Variants in ZFPM2 observed in about 807,000 individuals in gnomAD.
ZFPM2 encodes zinc finger protein ZFPM2.
ZFPM2 carries 20 observed loss-of-function variants against 98.6 expected under a neutral mutation model. The ratio of observed to expected loss-of-function variants is 0.20; its 90% CI spans 0.14 to 0.29. ZFPM2 has a LOEUF of 0.29. Ranked by LOEUF, ZFPM2 falls within the 10% of genes least tolerant of loss-of-function variation. The probability of loss-of-function intolerance (pLI) is 1.00; values close to 1 mark genes in which losing one functional copy is unlikely to be tolerated. For synonymous variants in ZFPM2, 518 were observed against 502.7 expected, an observed-to-expected ratio of 1.03 and a Z score of -0.41; for missense variants, 1,310 against 1,388.6, an observed-to-expected ratio of 0.94 and a Z score of 0.90.
At chr8:105,789,834 A>G (rs1813543728) in intron 6 of ZFPM2, among the ~76,000 whole-genome samples, 1 of 151,714 alleles carries the variant, frequency 6.6e-6, no homozygotes, top group Non-Finnish European at 1.5e-5. Flanking sequence ...TCTGATGGCC[A>G]GTGATGGTGA....
At chr8:105,556,782 G>A (rs891759034) in intron 3 of ZFPM2, among the ~76,000 whole-genome samples, 6 of 148,612 alleles carry the variant, frequency 4.0e-5, no homozygotes, top group Non-Finnish European at 8.9e-5. Context: ...GAGTGCAGTG[G>A]TGCGATCTTG....
chr8:105,434,018 G>T (rs1339957502), intron 2 of ZFPM2, among the ~76,000 whole-genome samples: 4 of 152,064 alleles, frequency 2.6e-5, no homozygotes, highest in Admixed American at 2.6e-4. Context: ...TTACAAAGAA[G>T]TCACATGCAT....
chr8:105,800,396 C>G (rs988581847), intron 7 of ZFPM2, among the ~76,000 whole-genome samples: 1 of 149,484 alleles, frequency 6.7e-6, no homozygotes, highest in Non-Finnish European at 1.5e-5. Flanking sequence ...GATGCCAATG[C>G]AAAATGACTA....
In ZFPM2 at chr8:105,801,503, C is replaced by A. The variant is rs1242581414; in HGVS notation, c.1421C>A (p.Pro474His). ...TCTTACACAAAAATAAAGTCTGAGCCCTCTAGCCCAAGACTTGCCTCATCT... is the reference window on the plus strand; with the variant it reads ...TCTTACACAAAAATAAAGTCTGAGCACTCTAGCCCAAGACTTGCCTCATCT... Reference protein sequence around the residue: ...SFSYTKIKSEPSSPRLASSPV... With the variant: ...SFSYTKIKSEHSSPRLASSPV... The change falls in exon 8 of 8, where the codon CCC becomes CAC. Residue 474 changes from proline (P) to histidine (H), a missense_variant. By Grantham distance (77) the Pro-to-His change is moderately conservative. Coordinates refer to ENST00000407775, the MANE Select transcript of ZFPM2 (RefSeq NM_012082.4). 1.2e-6 allele frequency: 2 copies of A among 1,613,890 alleles called. No individual in the cohort carries two copies.
intron 5 of ZFPM2, among the ~76,000 whole-genome samples, chr8:105,640,429 C>T (rs1359312751): frequency 6.6e-6 from 1 of 152,004 alleles, no homozygotes; most frequent in Non-Finnish European, 1.5e-5. Flanking sequence ...ATCATGTAGA[C>T]GGCTGCACAG....
chr8:105,708,427 CATT>C (rs1586211181), intron 5 of ZFPM2, among the ~76,000 whole-genome samples: 4 of 151,228 alleles, frequency 2.6e-5, no homozygotes, highest in Admixed American at 6.6e-5. Flanking sequence ...GTTTCGTTGC[CATT>C]GTTTGTTTGT....
At chr8:105,543,860 T>C (rs764455233) in intron 3 of ZFPM2, among the ~76,000 whole-genome samples, 2 of 152,164 alleles carry the variant, frequency 1.3e-5, no homozygotes, top group Admixed American at 6.6e-5. Context: ...CCACATAACT[T>C]GGGTATAGTT....
At chr8:105,341,684 C>T (rs1812434063) in intron 1 of ZFPM2, among the ~76,000 whole-genome samples, 1 of 151,890 alleles carries the variant, frequency 6.6e-6, no homozygotes, top group Non-Finnish European at 1.5e-5. Context: ...TTCAATACTA[C>T]TGTTGTAGTA....
intron 3 of ZFPM2, among the ~76,000 whole-genome samples, chr8:105,529,945 G>C (rs1436248097): frequency 6.6e-6 from 1 of 151,920 alleles, no homozygotes; most frequent in African/African-American, 2.4e-5. Context: ...TGGTCAGGCT[G>C]GTCTAGAACT....
chr8:105,517,905 C>G (rs2130534850), intron 3 of ZFPM2, among the ~76,000 whole-genome samples: 1 of 152,208 alleles, frequency 6.6e-6, no homozygotes, highest in East Asian at 1.9e-4. Context: ...GAGGGAGACT[C>G]TGTCTCAAAG....
chr8:105,443,179 G>T (rs1812289836), intron 2 of ZFPM2, among the ~76,000 whole-genome samples: 2 of 151,702 alleles, frequency 1.3e-5, no homozygotes, highest in Admixed American at 6.6e-5. Context: ...CGTGGTGGCA[G>T]GCACCTGTAA....
intron 3 of ZFPM2, among the ~76,000 whole-genome samples, chr8:105,464,834 G>A (rs1032170553): frequency 4.6e-5 from 7 of 151,812 alleles, no homozygotes; most frequent in African/African-American, 9.7e-5. Flanking sequence ...TGTATTGAAA[G>A]CACCAATTCT....
chr8:105,762,377 A>G (rs991670221), intron 5 of ZFPM2, among the ~76,000 whole-genome samples: 12 of 151,932 alleles, frequency 7.9e-5, no homozygotes, highest in Admixed American at 6.6e-4. Flanking sequence ...GAGTCCATAG[A>G]GTTAACACAA....
chr8:105,706,999 G>A (rs557253357), intron 5 of ZFPM2, among the ~76,000 whole-genome samples: 3 of 152,198 alleles, frequency 2.0e-5, no homozygotes, highest in East Asian at 3.9e-4. Context: ...CCAGGACTTT[G>A]GAAGGCCAAG....
intron 2 of ZFPM2, among the ~76,000 whole-genome samples, chr8:105,421,997 A>C (rs1434961093): frequency 7.0e-6 from 1 of 142,800 alleles, no homozygotes; most frequent in Non-Finnish European, 1.5e-5. Flanking sequence ...CAGTGAGTTG[A>C]GATCGCACCA....
chr8:105,521,408 A>AGG (rs869126404), intron 3 of ZFPM2, among the ~76,000 whole-genome samples: 1 of 25,778 alleles, frequency 3.9e-5, no homozygotes, highest in Non-Finnish European at 6.1e-5. Flanking sequence ...TTAAGGGGGG[A>AGG]GGGGGGGAGG....
chr8:105,426,917 A>G (rs1811925110), intron 2 of ZFPM2, among the ~76,000 whole-genome samples: 1 of 152,172 alleles, frequency 6.6e-6, no homozygotes, highest in Admixed American at 6.5e-5. Flanking sequence ...AGATCATGCC[A>G]CTGCACTCCA....
At chr8:105,758,650 T>C (rs751358536) in intron 5 of ZFPM2, among the ~76,000 whole-genome samples, 8 of 152,112 alleles carry the variant, frequency 5.3e-5, no homozygotes, top group Non-Finnish European at 1.0e-4. Flanking sequence ...TATTGGGAAA[T>C]TTTAGTAATC....
At chr8:105,536,268 G>GT (rs1814448645) in intron 3 of ZFPM2, among the ~76,000 whole-genome samples, 1 of 151,874 alleles carries the variant, frequency 6.6e-6, no homozygotes. Context: ...TAATATTTAT[G>GT]TTTTTTTGTC....
Sources: allele counts gnomAD v4.1 joint callset (sites outside exome capture counted in the v4.1 genomes callset), GRCh38; gene constraint gnomAD v4.1.1; transcripts MANE v1.5; gene names NCBI Gene and HGNC (gene_info 2026-07-23, HGNC 2026-07-21).